Variants in TRANK1 observed in about 807,000 individuals in gnomAD.
TRANK1 encodes TPR and ankyrin repeat-containing protein 1.
TRANK1 carries 198 observed loss-of-function variants against 266.0 expected under a neutral mutation model. The observed-to-expected ratio is 0.74, with a 90% confidence interval of 0.66 to 0.84. The LOEUF (loss-of-function observed/expected upper bound fraction) is 0.84. Among genes scored for constraint, TRANK1 ranks in the 40% least tolerant of loss-of-function variants. TRANK1 has a pLI of 0.00. For missense variants in TRANK1, 3,326 were observed against 3,634.6 expected (o/e 0.92, Z 2.18); for synonymous variants, 1,396 against 1,384.1 (o/e 1.01, Z -0.19).
chr3:36,864,607 T>TTGATGAGAGGAG, intron 9 of TRANK1, 127 bp from the exon 10 acceptor site: 3 of 858,858 alleles, frequency 3.5e-6, no homozygotes, highest in Non-Finnish European at 5.0e-6. Context: ...GCTGCTCCTC[T>TTGATGAGAGGAG]CATCAAGAAG....
rs753938539 is a variant in TRANK1 at position 36,855,603 on chromosome 3, A to G, written c.4119T>C (p.Tyr1373=). The G allele has an allele frequency of 3.1e-6, 5 of 1,613,886 alleles. No individual in the cohort carries two copies. In the Admixed American group the frequency reaches 6.7e-5, roughly 22 times the overall value. The change falls in exon 13 of 24, where the codon TAT becomes TAC. Residue 1373 remains tyrosine (Y), a synonymous_variant. Coordinates refer to ENST00000645898, the MANE Select transcript of TRANK1 (RefSeq NM_001329998.2). ...CPHGRLTEEV[Y]KKLGRKRCPN... ...GGCACCGTTTCCTCCCTAATTTCTT[A>G]TATACTTCTTCAGTGAGTCTCCCAT...
chr3:36,843,947 T>G (rs1245331915), intron 17 of TRANK1, among the ~76,000 whole-genome samples: 2 of 152,026 alleles, frequency 1.3e-5, no homozygotes, highest in Non-Finnish European at 2.9e-5. Context: ...CAAAACCCCA[T>G]CCATATTATC....
chr3:36,912,850 T>G (rs1465458370), intron 1 of TRANK1, among the ~76,000 whole-genome samples: 1 of 150,128 alleles, frequency 6.7e-6, no homozygotes, highest in African/African-American at 2.4e-5. Context: ...CTGCTTGAAT[T>G]CTTGACAACA....
intron 11 of TRANK1, 38 bp from the exon 12 acceptor site, chr3:36,858,932 C>T: frequency 6.7e-7 from 1 of 1,494,222 alleles, no homozygotes; most frequent in Non-Finnish European, 8.9e-7. Flanking sequence ...TGTGAGCAGG[C>T]ACAGCCTGGC....
chr3:36,930,803 G>C (rs998692017), intron 1 of TRANK1, among the ~76,000 whole-genome samples: 1 of 152,100 alleles, frequency 6.6e-6, no homozygotes, highest in African/African-American at 2.4e-5. Flanking sequence ...GACTGGAAAG[G>C]GGTATCAGTG....
chr3:36,835,432 G>C (rs927008912), intron 20 of TRANK1, among the ~76,000 whole-genome samples: 6 of 151,806 alleles, frequency 4.0e-5, no homozygotes, highest in African/African-American at 1.5e-4. Context: ...ACACACAGAG[G>C]TAAGCCCCAG....
Position 36,856,230 on chromosome 3 carries a change from T to A in TRANK1, c.3492A>T (p.Gly1164=), listed in dbSNP as rs779312618. Reference sequence around the variant, plus strand: ...CGTCCCCTGCTGGCTCCACACCGGCTCCTCCTGCGCAGGCTTCATACTCCT... The same window carrying A: ...CGTCCCCTGCTGGCTCCACACCGGCACCTCCTGCGCAGGCTTCATACTCCT... ...DEQEYEACAG[G]AGVEPAGDGQ... Residue 1164 remains glycine (G), a synonymous_variant, in exon 13 of 24, where the codon GGA becomes GGT. Coordinates refer to ENST00000645898, the MANE Select transcript of TRANK1 (RefSeq NM_001329998.2). 6.2e-7 allele frequency: 1 copy of A among 1,613,682 alleles called. No homozygotes were observed. The highest frequency in any genetic ancestry group is 1.1e-5 in the South Asian group (1 of 91,058).
intron 8 of TRANK1, among the ~76,000 whole-genome samples, chr3:36,881,161 G>A (rs1464160320): frequency 6.6e-6 from 1 of 151,800 alleles, no homozygotes; most frequent in Non-Finnish European, 1.5e-5. Context: ...CTTTTAAAGT[G>A]TATTATTTGC....
intron 2 of TRANK1, among the ~76,000 whole-genome samples, chr3:36,905,604 G>A (rs1464304799): frequency 1.3e-5 from 2 of 152,166 alleles, no homozygotes; most frequent in African/African-American, 4.8e-5. Context: ...TGTTATGGTA[G>A]CGCAAGCAGA....
rs375614461 is a variant in TRANK1 at position 36,833,741 on chromosome 3, G to A, written c.5842C>T (p.Arg1948Cys). ...DQLVFLKSRK[R>C]LAEAADLLNR... is the part of the protein sequence containing the mutation. ...AGCAGGTCTGCAGCTTCTGCTAAGCGTTTCCGAGACTTCAAGAACACCAGC... is the reference window on the plus strand; with the variant it reads ...AGCAGGTCTGCAGCTTCTGCTAAGCATTTCCGAGACTTCAAGAACACCAGC... Residue 1948 changes from arginine to cysteine, a missense_variant, in exon 22 of 24, where the codon CGC (arginine) becomes TGC (cysteine). Arg to Cys is a radical substitution (Grantham distance 180). Coordinates refer to ENST00000645898, the MANE Select transcript of TRANK1 (RefSeq NM_001329998.2). 66 of 1,613,850 alleles carry A rather than the reference G, an allele frequency of 4.1e-5. No individual in the cohort carries two copies. The highest frequency in any genetic ancestry group is 5.3e-5 in the African/African-American group (4 of 74,906).
Position 36,857,689 on chromosome 3 carries a change from T to A in TRANK1, c.2033A>T (p.Gln678Leu), listed in dbSNP as rs1298885791. The A allele has an allele frequency of 6.2e-7, 1 of 1,613,976 alleles. No individual in the cohort carries two copies. Among genetic ancestry groups the A allele is most frequent in the Non-Finnish European group, 8.5e-7 (1 of 1,179,870 alleles). The change falls in exon 13 of 24, where the codon CAG becomes CTG. Residue 678 changes from glutamine to leucine, a missense_variant. Coordinates refer to ENST00000645898, the MANE Select transcript of TRANK1 (RefSeq NM_001329998.2). The surrounding 1 kb of genome is among the most constrained non-coding windows in gnomAD (Gnocchi z 4.3). ...SKSTAPGHTS[Q>L]LKSQGSFKSV... Reference sequence around the variant, plus strand: ...CTTGAATGAACCCTGGGACTTGAGCTGAGATGTGTGACCAGGGGCAGTGGA... The same window carrying A: ...CTTGAATGAACCCTGGGACTTGAGCAGAGATGTGTGACCAGGGGCAGTGGA...
intron 15 of TRANK1, 65 bp from the exon 16 acceptor site, chr3:36,847,411 T>C (rs1309848635): frequency 3.9e-6 from 6 of 1,556,770 alleles, no homozygotes; most frequent in Non-Finnish European, 5.2e-6. Context: ...ACAGCCTCCC[T>C]GAGCTTCATG....
intron 1 of TRANK1, among the ~76,000 whole-genome samples, chr3:36,913,999 T>C (rs576595998): frequency 2.6e-5 from 4 of 152,354 alleles, no homozygotes; most frequent in Admixed American, 2.6e-4. Flanking sequence ...CTAAAGCCAG[T>C]TGACGAGACC....
At chr3:36,859,542 A>G (rs1267557676) in intron 11 of TRANK1, among the ~76,000 whole-genome samples, 1 of 151,924 alleles carries the variant, frequency 6.6e-6, no homozygotes, top group Non-Finnish European at 1.5e-5. Context: ...CTGAGCTCCT[A>G]TTCTCAACTG....
intron 2 of TRANK1, among the ~76,000 whole-genome samples, chr3:36,906,526 G>A (rs1218274947): frequency 6.6e-6 from 1 of 152,136 alleles, no homozygotes; most frequent in Non-Finnish European, 1.5e-5. Context: ...TAGCAGATGT[G>A]ATCAATTTAA....
intron 1 of TRANK1, among the ~76,000 whole-genome samples, chr3:36,914,450 C>CTTTTT (rs10644293): frequency 2.9e-5 from 4 of 137,696 alleles, no homozygotes; most frequent in Non-Finnish European, 6.2e-5. Context: ...TGGTGTCTTC[C>CTTTTT]TTTTTTTTTT....
At chr3:36,917,321 G>A (rs1405593872) in intron 1 of TRANK1, among the ~76,000 whole-genome samples, 1 of 151,946 alleles carries the variant, frequency 6.6e-6, no homozygotes, top group Non-Finnish European at 1.5e-5. Context: ...GAACCAAATA[G>A]AAATATATTC....
At chr3:36,871,967 G>A (rs891774319) in intron 9 of TRANK1, among the ~76,000 whole-genome samples, 7 of 152,120 alleles carry the variant, frequency 4.6e-5, no homozygotes, top group African/African-American at 1.7e-4. Context: ...GTGTTTCTAG[G>A]GAAGCACATT....
At chr3:36,920,581 C>T (rs916186730) in intron 1 of TRANK1, among the ~76,000 whole-genome samples, 1 of 152,214 alleles carries the variant, frequency 6.6e-6, no homozygotes, top group African/African-American at 2.4e-5. Context: ...GAGAATCTCT[C>T]TATTACACAG....
Sources: gnomAD v4.1 joint callset for allele counts (sites outside exome capture counted in the v4.1 genomes callset) on GRCh38, gnomAD v4.1.1 for gene constraint, Gnocchi (gnomAD v3.1) non-coding constraint, MANE v1.5 for transcripts, NCBI Gene and HGNC (gene_info 2026-07-23, HGNC 2026-07-21) for gene names.